STPG2: variants seen among roughly 807,000 people sequenced by gnomAD.
STPG2 encodes the protein sperm tail PG-rich repeat containing 2, also known as sperm-tail PG-rich repeat-containing protein 2.
A neutral mutation model predicts 54.2 loss-of-function variants in STPG2; 56 were observed. The observed-to-expected ratio is 1.03, with a 90% CI of 0.83 to 1.29. The LOEUF (loss-of-function observed/expected upper bound fraction) is 1.29, where lower values mean the gene tolerates loss of function less well. STPG2 is among the 50% of genes most tolerant of loss of function. The pLI is 0.00. For synonymous variants in STPG2, 200 were observed against 181.8 expected, an observed-to-expected ratio of 1.10 and a Z score of -0.81; for missense variants, 596 against 544.9, an observed-to-expected ratio of 1.09 and a Z score of -0.93.
chr4:97,750,806 G>T (rs1231625741), intron 9 of STPG2, among the ~76,000 whole-genome samples: 1 of 151,584 alleles, frequency 6.6e-6, no homozygotes, highest in African/African-American at 2.4e-5. Context: ...CTTGAAGCAG[G>T]CAACACTTCA....
chr4:97,592,010 G>A (rs944289544), intron 10 of STPG2, among the ~76,000 whole-genome samples: 19 of 152,118 alleles, frequency 1.2e-4, no homozygotes, highest in Non-Finnish European at 2.5e-4. Flanking sequence ...CTAAAAACAT[G>A]TGAATTGTAC....
At chr4:97,504,877 T>C (rs898056846) in intron 4 of STPG2, among the ~76,000 whole-genome samples, 26 of 152,002 alleles carry the variant, frequency 1.7e-4, no homozygotes, top group African/African-American at 5.8e-4. Context: ...TGTAAATGTT[T>C]TGTTTTTACA....
chr4:97,891,532 T>C (rs1730770497), intron 8 of STPG2, among the ~76,000 whole-genome samples: 1 of 152,058 alleles, frequency 6.6e-6, no homozygotes. Context: ...AATTGATAAA[T>C]AAATAGTATG....
At chr4:97,466,694 G>A (rs1325400409) in intron 4 of STPG2, among the ~76,000 whole-genome samples, 2 of 151,846 alleles carry the variant, frequency 1.3e-5, no homozygotes, top group Non-Finnish European at 2.9e-5. Context: ...TACCTTCCCA[G>A]AGTTTAACAA....
chr4:97,561,181 T>C (rs923308777), intron 10 of STPG2, among the ~76,000 whole-genome samples: 1 of 152,128 alleles, frequency 6.6e-6, no homozygotes, highest in African/African-American at 2.4e-5. Flanking sequence ...TGGTTTTGAT[T>C]TGCATTTCTC....
At chr4:98,128,722 ATGTT>A (rs1430246697) in intron 2 of STPG2, 130 bp from the exon 3 acceptor site, 1 of 754,484 alleles carries the variant, frequency 1.3e-6, no homozygotes, top group Non-Finnish European at 2.0e-6. Flanking sequence ...TAAAACAAAA[ATGTT>A]TGTTTTGTTA....
chr4:98,068,466 C>A (rs28644779), intron 5 of STPG2, among the ~76,000 whole-genome samples: 9,233 of 152,152 alleles, frequency 0.061, 310 homozygotes, highest in Middle Eastern at 0.095. Context: ...TATTAAATAT[C>A]TGTTGAATAA....
chr4:97,910,602 T>C (rs1350597177), intron 8 of STPG2, among the ~76,000 whole-genome samples: 1 of 152,158 alleles, frequency 6.6e-6, no homozygotes, highest in Admixed American at 6.5e-5. Context: ...GACTTTCTAC[T>C]AAAACAGAAG....
chr4:97,546,279 CCT>C (rs1199863184), intron 4 of STPG2, among the ~76,000 whole-genome samples: 6 of 151,680 alleles, frequency 4.0e-5, no homozygotes. Context: ...CTTTAATTTA[CCT>C]ACATTTCTAA....
At chr4:97,554,382 C>T (rs1732032921), downstream of STPG2, among the ~76,000 whole-genome samples, 1 of 152,186 alleles carries the variant, frequency 6.6e-6, no homozygotes, top group Non-Finnish European at 1.5e-5. Flanking sequence ...TTCTTCCCTT[C>T]TCTGAGAGAG....
chr4:97,638,745 T>C (rs1721653949), intron 10 of STPG2, among the ~76,000 whole-genome samples: 1 of 147,956 alleles, frequency 6.8e-6, no homozygotes, highest in Non-Finnish European at 1.5e-5. Flanking sequence ...CATGAAAAAA[T>C]GCTCACCATC....
Position 98,143,061 on chromosome 4 carries a change from G to C in STPG2, c.90C>G (p.Phe30Leu), listed in dbSNP as rs138596856. The C allele has an allele frequency of 6.2e-7, 1 of 1,613,068 alleles. No individual in the cohort carries two copies. Among genetic ancestry groups the C allele is most frequent in the African/African-American group, 1.3e-5 (1 of 75,032 alleles). ...TCTTACCTGTCGCCTGCTGCTTCAG[G>C]AAAGGTACCTGGTAGGATCCAGGAC... Reference protein sequence around the residue: ...HVGPGSYQVPFLKQQATGSNA... With the variant: ...HVGPGSYQVPLLKQQATGSNA... Residue 30 changes from phenylalanine to leucine, a missense_variant, in exon 1 of 11, where the codon TTC (phenylalanine) becomes TTG (leucine). Coordinates refer to ENST00000295268, the MANE Select transcript of STPG2 (RefSeq NM_174952.3).
rs538996334 is a variant in STPG2 at position 97,795,308 on chromosome 4, T to C, written c.1204+45465A>G. Among the ~76,000 whole-genome samples the C allele has an allele frequency of 4.2e-3, 641 of 152,300 alleles. 3 individuals are homozygous for C. The highest frequency in any genetic ancestry group is 0.024 in the South Asian group (115 of 4,818). ...GTGTGCTGCACCCAATAACTCGTCATTTACATTAGGTATATCTCCTAATGC... is the reference window on the plus strand; with the variant it reads ...GTGTGCTGCACCCAATAACTCGTCACTTACATTAGGTATATCTCCTAATGC... On this transcript the variant is annotated intron_variant, in intron 9 of 10. Transcript: ENST00000295268.
At chr4:97,577,127 C>T (rs893095907) in intron 10 of STPG2, among the ~76,000 whole-genome samples, 1 of 152,128 alleles carries the variant, frequency 6.6e-6, no homozygotes, top group Non-Finnish European at 1.5e-5. Flanking sequence ...AGGGAACACT[C>T]ATACACTGTT....
chr4:97,728,272 G>A (rs1223470902), intron 9 of STPG2, among the ~76,000 whole-genome samples: 1 of 151,868 alleles, frequency 6.6e-6, no homozygotes, highest in Admixed American at 6.6e-5. Context: ...ATGTATGATA[G>A]AATTACACAA....
At chr4:98,130,631 T>C (rs990521672) in intron 2 of STPG2, among the ~76,000 whole-genome samples, 4 of 151,862 alleles carry the variant, frequency 2.6e-5, no homozygotes, top group Non-Finnish European at 4.4e-5. Flanking sequence ...TGTCAAAACT[T>C]TCCAAAATAG....
rs940176843 is a variant in STPG2 at position 97,661,538 on chromosome 4, C to A, written c.1320+51161G>T. Among the ~76,000 whole-genome samples the A allele has an allele frequency of 2.6e-5, 4 of 152,184 alleles. No homozygotes were observed. In the East Asian group the frequency reaches 5.8e-4, roughly 22 times the overall value. On this transcript the variant is annotated intron_variant, in intron 10 of 10. Coordinates refer to ENST00000295268, the MANE Select transcript of STPG2 (RefSeq NM_174952.3). Reference sequence around the variant, plus strand: ...TTGAAGAACAACCTAGGATTTCAAACAATTTGCAAACACTGAATTAGAAGA... The same window carrying A: ...TTGAAGAACAACCTAGGATTTCAAAAAATTTGCAAACACTGAATTAGAAGA...
rs56140336 is a variant in STPG2, at chr4:98,077,225, TTTGTTG to T, written c.612+28722_612+28727del. 5.2e-3 allele frequency among the ~76,000 whole-genome samples: 769 copies of T among 148,676 alleles called. 1 individual carries two copies. Among genetic ancestry groups the T allele is most frequent in the South Asian group, 0.024 (111 of 4,620 alleles). On this transcript the variant is annotated intron_variant, in intron 5 of 10. Coordinates refer to ENST00000295268, the MANE Select transcript of STPG2 (RefSeq NM_174952.3). ...AAAGTTCTTTTGCGTCCTCAATAGT[TTTGTTG>T]TTGTTGTTGTTGTTGTTGTTGTTGT...
At chr4:98,046,143 T>C (rs909362527) in intron 5 of STPG2, among the ~76,000 whole-genome samples, 1 of 122,780 alleles carries the variant, frequency 8.1e-6, no homozygotes, top group African/African-American at 3.2e-5. Context: ...TAGTCTGCTA[T>C]TGAACATCTC....
Sources: allele counts gnomAD v4.1 joint callset (sites outside exome capture counted in the v4.1 genomes callset), GRCh38; gene constraint gnomAD v4.1.1; transcripts MANE v1.5; gene names NCBI Gene and HGNC (gene_info 2026-07-23, HGNC 2026-07-21).